NPAS3: variants seen among roughly 807,000 people sequenced by gnomAD.
NPAS3 encodes neuronal PAS domain-containing protein 3.
In NPAS3, 14 loss-of-function variants were observed where a neutral mutation model predicts 73.1. The observed-to-expected ratio is 0.19, with a 90% confidence interval of 0.13 to 0.30. The LOEUF (loss-of-function observed/expected upper bound fraction) is 0.30. Ranked by LOEUF, NPAS3 falls within the 10% of genes least tolerant of loss-of-function variation. The pLI is 1.00. For synonymous variants in NPAS3, 620 were observed against 541.5 expected (o/e 1.14, Z -2.01); for missense variants, 1,096 against 1,250.0 (o/e 0.88, Z 1.86).
rs527676247 is a variant in NPAS3, at chr14:33,724,532, G to T, written c.734-10682G>T. Among the ~76,000 whole-genome samples the T allele has an allele frequency of 2.6e-5, 4 of 152,206 alleles. No homozygotes were observed. The East Asian group carries it at 5.8e-4, about 22-fold the overall frequency. On this transcript the variant is annotated intron_variant, in intron 6 of 11. Transcript: ENST00000356141. ...ACCTGTAGTCCCAGCTACTCAGGAG[G>T]CTGAAGCAGAGGATCACCTGAACCT... is the stretch of plus-strand genomic sequence containing the variant.
At chr14:33,777,782 A>G (rs1347783720) in intron 8 of NPAS3, among the ~76,000 whole-genome samples, 8 of 152,212 alleles carry the variant, frequency 5.3e-5, no homozygotes. Flanking sequence ...TCAGTGACAG[A>G]GGCTTTTACA....
intron 3 of NPAS3, among the ~76,000 whole-genome samples, chr14:33,294,348 T>C (rs2042213596): frequency 6.6e-6 from 1 of 152,090 alleles, no homozygotes. Flanking sequence ...CAGGGCCTCA[T>C]TTTTTTGACC....
intron 4 of NPAS3, among the ~76,000 whole-genome samples, chr14:33,554,956 T>A (rs2055287613): frequency 6.6e-6 from 1 of 152,172 alleles, no homozygotes; most frequent in Admixed American, 6.5e-5. Flanking sequence ...TAAGAAACTA[T>A]GCCTTACACT....
chr14:33,700,051 G>T (rs1003189676), intron 6 of NPAS3, among the ~76,000 whole-genome samples: 2 of 152,128 alleles, frequency 1.3e-5, no homozygotes, highest in Non-Finnish European at 2.9e-5. Context: ...TTCCCTCTGG[G>T]GAAGGTTCAT....
intron 6 of NPAS3, among the ~76,000 whole-genome samples, chr14:33,711,759 C>A (rs973246176): frequency 1.3e-5 from 2 of 152,058 alleles, no homozygotes; most frequent in Non-Finnish European, 2.9e-5. Context: ...TGGTGAGCAG[C>A]GATCATTAGA....
chr14:33,016,615 G>GAA (rs10597224), intron 1 of NPAS3, among the ~76,000 whole-genome samples: 12 of 126,206 alleles, frequency 9.5e-5, no homozygotes, highest in East Asian at 4.6e-4. Context: ...AGAAAAAAAG[G>GAA]AAAAAAAAAA....
At chr14:33,694,606 T>C (rs77311356) in intron 6 of NPAS3, among the ~76,000 whole-genome samples, 5 of 152,166 alleles carry the variant, frequency 3.3e-5, no homozygotes, top group African/African-American at 1.2e-4. Flanking sequence ...CTGCCCTTTA[T>C]TTTTTTACAA....
At chr14:33,047,530 C>A (rs1485159961) in intron 1 of NPAS3, among the ~76,000 whole-genome samples, 2 of 152,104 alleles carry the variant, frequency 1.3e-5, no homozygotes, top group African/African-American at 4.8e-5. Context: ...TGTTCATTCA[C>A]AAAGTAAGGT....
At chr14:33,717,056 A>G (rs1316274203) in intron 6 of NPAS3, among the ~76,000 whole-genome samples, 1 of 151,764 alleles carries the variant, frequency 6.6e-6, no homozygotes. Context: ...AAATGACAGC[A>G]CTCAAAGAAG....
chr14:33,083,320 T>C (rs1191007676), intron 2 of NPAS3, among the ~76,000 whole-genome samples: 2 of 151,504 alleles, frequency 1.3e-5, no homozygotes, highest in Non-Finnish European at 2.9e-5. Context: ...ATTATAGTTA[T>C]GTGCCTAAAT....
chr14:33,033,383 G>T (rs1340529277), intron 1 of NPAS3, among the ~76,000 whole-genome samples: 1 of 152,072 alleles, frequency 6.6e-6, no homozygotes, highest in African/African-American at 2.4e-5. Flanking sequence ...GGATGCTGAG[G>T]CATGAGAATT....
At chr14:33,419,429 G>A (rs1464688031) in intron 4 of NPAS3, among the ~76,000 whole-genome samples, 2 of 151,790 alleles carry the variant, frequency 1.3e-5, no homozygotes, top group Non-Finnish European at 2.9e-5. Context: ...GATTGTTGTG[G>A]GTGATAGGTA....
chr14:33,641,009 G>C (rs564855673), intron 5 of NPAS3, among the ~76,000 whole-genome samples: 13 of 152,156 alleles, frequency 8.5e-5, no homozygotes, highest in Admixed American at 4.6e-4. Flanking sequence ...TGTGTGATAG[G>C]ATAACGGGTG....
At position 33,449,079 on chromosome 14, in the gene NPAS3, G is replaced by A. The variant is rs370592211; in HGVS notation, c.468+81811G>A. On this transcript the variant is annotated intron_variant, in intron 4 of 11. Coordinates refer to ENST00000356141, the Ensembl canonical transcript of NPAS3. ...TCAAGGAGAGTTAAACACCCCAACC[G>A]CATAGGCCTCAAGGGAGCAGGTAGA... Among the ~76,000 whole-genome samples, 25 of 152,286 alleles carry A rather than the reference G, an allele frequency of 1.6e-4. No individual in the cohort carries two copies. In the East Asian group the frequency reaches 4.1e-3, roughly 25 times the overall value.
chr14:33,767,487 A>G (rs922598289), intron 7 of NPAS3, among the ~76,000 whole-genome samples: 1 of 152,264 alleles, frequency 6.6e-6, no homozygotes, highest in South Asian at 2.1e-4. Context: ...AGGAAAAAAA[A>G]AGAAAAGGGA....
intron 3 of NPAS3, among the ~76,000 whole-genome samples, chr14:33,275,940 T>C (rs2041309062): frequency 6.6e-6 from 1 of 152,136 alleles, no homozygotes; most frequent in African/African-American, 2.4e-5. Context: ...GAGCACACAA[T>C]AAAGTTATTC....
At chr14:32,968,837 A>T (rs186311553) in intron 1 of NPAS3, among the ~76,000 whole-genome samples, 3 of 150,958 alleles carry the variant, frequency 2.0e-5, no homozygotes, top group South Asian at 4.2e-4. Context: ...GGTTTGTTAC[A>T]TAGGTAAATG....
intron 1 of NPAS3, among the ~76,000 whole-genome samples, chr14:32,948,790 C>CAT (rs1378679854): frequency 6.6e-6 from 1 of 152,050 alleles, no homozygotes; most frequent in African/African-American, 2.4e-5. Flanking sequence ...CTCCATTCCT[C>CAT]ATATATATCG....
chr14:33,703,710 G>A (rs1243591851), intron 6 of NPAS3, among the ~76,000 whole-genome samples: 1 of 152,066 alleles, frequency 6.6e-6, no homozygotes, highest in African/African-American at 2.4e-5. Context: ...CAAATAGGGA[G>A]AACTTCCTAT....
Sources: allele counts gnomAD v4.1 joint callset (sites outside exome capture counted in the v4.1 genomes callset), GRCh38; gene constraint gnomAD v4.1.1; transcripts MANE v1.5; gene names NCBI Gene and HGNC (gene_info 2026-07-23, HGNC 2026-07-21).